INTS7: variants seen among roughly 807,000 people sequenced by gnomAD.
INTS7 encodes chromosome 1 open reading frame 73.
INTS7 carries 46 observed loss-of-function variants against 109.2 expected under a neutral mutation model. The ratio of observed to expected loss-of-function variants is 0.42; its 90% confidence interval spans 0.33 to 0.54. The LOEUF (loss-of-function observed/expected upper bound fraction) is 0.54, where lower values mean the gene tolerates loss of function less well. INTS7 is among the 20% of genes least tolerant of loss of function. The pLI is 0.07. For missense variants in INTS7, 929 were observed against 1,132.4 expected (o/e 0.82, Z 2.58); for synonymous variants, 412 against 402.9 (o/e 1.02, Z -0.27).
chr1:211,975,514 C>T (rs1168434698), intron 12 of INTS7, 142 bp from the exon 13 acceptor site: 16 of 626,222 alleles, frequency 2.6e-5, no homozygotes, highest in African/African-American at 2.2e-4. Context: ...TTATGTAATT[C>T]GCTGAGACTC....
chr1:211,988,421 CAA>C (rs538221379), intron 7 of INTS7, among the ~76,000 whole-genome samples: 4 of 113,192 alleles, frequency 3.5e-5, no homozygotes, highest in African/African-American at 3.1e-5. Flanking sequence ...GACCCTGTCT[CAA>C]AAAAAAAAAA....
intron 16 of INTS7, among the ~76,000 whole-genome samples, chr1:211,954,338 C>G (rs1011976229): frequency 1.3e-5 from 2 of 152,104 alleles, no homozygotes; most frequent in African/African-American, 4.8e-5. Flanking sequence ...TTCTCCCATT[C>G]TGTAGGTTGC....
chr1:211,977,642 C>T lies in INTS7; in HGVS notation c.1470+630G>A, dbSNP rs112614257. 1.1e-4 allele frequency among the ~76,000 whole-genome samples: 16 copies of T among 152,284 alleles called. 1 individual carries two copies. The highest frequency in any genetic ancestry group is 3.8e-4 in the African/African-American group (16 of 41,568). On this transcript the variant is annotated intron_variant, in intron 11 of 19. Transcript: ENST00000366994. ...TGAACAGAACAATATGGAATGGCAA[C>T]CTTACAACTTTCATTTAATTTACAA...
chr1:212,010,889 AG>A (rs950910394), intron 5 of INTS7, among the ~76,000 whole-genome samples: 1 of 152,170 alleles, frequency 6.6e-6, no homozygotes, highest in Non-Finnish European at 1.5e-5. Flanking sequence ...TTTCTCACAC[AG>A]GATCCCCATT....
At position 212,021,101 on chromosome 1, in the gene INTS7, G is replaced by C. The variant is rs758523583; in HGVS notation, c.206C>G (p.Ala69Gly). The change falls in exon 2 of 20, where the codon GCT becomes GGT. Residue 69 changes from alanine to glycine, a missense_variant. By Grantham distance (60) the Ala-to-Gly change is moderately conservative. This residue lies in a region of INTS7 where 142 missense variants were observed against 231.4 expected (regional missense o/e 0.61). Transcript: ENST00000366994. Reference sequence around the variant, plus strand: ...GACTTACCCAACTCTGAAAACATCAGCTAACTTTAGGAATGCAGAATTGAT... The same window carrying C: ...GACTTACCCAACTCTGAAAACATCACCTAACTTTAGGAATGCAGAATTGAT... ...ILINSAFLKLADVFRVGNNFL... is the reference protein window; with the variant it reads ...ILINSAFLKLGDVFRVGNNFL... 3 of 1,604,900 alleles carry C rather than the reference G, an allele frequency of 1.9e-6. No homozygotes were observed. Among genetic ancestry groups the C allele is most frequent in the African/African-American group, 2.7e-5 (2 of 74,420 alleles).
chr1:212,027,656 A>C (rs1314376036), intron 1 of INTS7, among the ~76,000 whole-genome samples: 1 of 152,224 alleles, frequency 6.6e-6, no homozygotes, highest in Non-Finnish European at 1.5e-5. Flanking sequence ...TTTCGCACTT[A>C]AAGTGTGCAG....
intron 4 of INTS7, among the ~76,000 whole-genome samples, chr1:212,015,195 C>T (rs554742273): frequency 6.6e-6 from 1 of 152,140 alleles, no homozygotes; most frequent in Non-Finnish European, 1.5e-5. Flanking sequence ...GCCGCCACCC[C>T]GTCTGGGAGG....
chr1:212,032,754 C>G (rs1425784611), intron 1 of INTS7, among the ~76,000 whole-genome samples: 2 of 152,210 alleles, frequency 1.3e-5, no homozygotes, highest in African/African-American at 4.8e-5. Flanking sequence ...GCGGGGATTA[C>G]AGGCGTGAAC....
chr1:211,960,971 C>T (rs1442041414), intron 16 of INTS7, among the ~76,000 whole-genome samples: 1 of 151,326 alleles, frequency 6.6e-6, no homozygotes, highest in Non-Finnish European at 1.5e-5. Context: ...ACTGAGATCG[C>T]GCCACTGCAC....
intron 3 of INTS7, among the ~76,000 whole-genome samples, chr1:212,019,018 A>C (rs1165361846): frequency 2.0e-5 from 3 of 152,166 alleles, no homozygotes; most frequent in Non-Finnish European, 4.4e-5. Flanking sequence ...GGGAGGCCGA[A>C]GCGGGCAGAT....
At chr1:211,953,419 C>CT (rs1222557135) in intron 16 of INTS7, among the ~76,000 whole-genome samples, 1 of 151,076 alleles carries the variant, frequency 6.6e-6, no homozygotes, top group Non-Finnish European at 1.5e-5. Context: ...TATCATTATA[C>CT]TTTAAGTTTT....
intron 5 of INTS7, among the ~76,000 whole-genome samples, chr1:212,010,140 T>TA (rs1195346211): frequency 6.6e-6 from 1 of 152,198 alleles, no homozygotes; most frequent in Non-Finnish European, 1.5e-5. Flanking sequence ...TCCTTTCCTG[T>TA]AAAACGAACA....
At chr1:211,984,674 T>C (rs1312609161) in intron 8 of INTS7, among the ~76,000 whole-genome samples, 1 of 152,142 alleles carries the variant, frequency 6.6e-6, no homozygotes, top group Admixed American at 6.5e-5. Context: ...GAGTAGAAAA[T>C]GGTAAAAGGC....
rs756444254 is a variant in INTS7, at chr1:212,020,240, TA to T, written c.252del (p.Val86LeufsTer13). The T allele has an allele frequency of 6.3e-7, 1 of 1,599,524 alleles. No individual in the cohort carries two copies. The highest frequency in any genetic ancestry group is 8.6e-7 in the Non-Finnish European group (1 of 1,169,036). On this transcript the variant is annotated frameshift_variant, in exon 3 of 20. Coordinates refer to ENST00000366994, the MANE Select transcript of INTS7 (RefSeq NM_015434.4). LOFTEE classifies it high-confidence loss of function. ...VGNNFLRLCV[L>X]KVTQQSEKHL... The stretch of plus-strand genomic sequence containing the variant: ...TGTTTCTCACTTTGTTGGGTAACTT[TA>T]AGAACACATAGCCTCAGGAAATTAT...
At chr1:211,985,369 A>C (rs879405143) in intron 8 of INTS7, among the ~76,000 whole-genome samples, 1 of 152,208 alleles carries the variant, frequency 6.6e-6, no homozygotes, top group Admixed American at 6.5e-5. Context: ...GGCTACATTG[A>C]AAAAACATAA....
intron 1 of INTS7, among the ~76,000 whole-genome samples, chr1:212,022,558 G>C (rs1666754922): frequency 1.3e-5 from 2 of 152,144 alleles, no homozygotes; most frequent in South Asian, 4.1e-4. Flanking sequence ...AGTGTCATCA[G>C]GGAAATGACA....
chr1:211,951,901 T>G (rs1192639756), intron 17 of INTS7, among the ~76,000 whole-genome samples: 1 of 152,166 alleles, frequency 6.6e-6, no homozygotes, highest in Non-Finnish European at 1.5e-5. Flanking sequence ...TAGCCTGTCC[T>G]GTGACTGGGA....
At chr1:211,945,620 T>C (rs926623721) in intron 18 of INTS7, among the ~76,000 whole-genome samples, 3 of 152,238 alleles carry the variant, frequency 2.0e-5, no homozygotes, top group African/African-American at 7.2e-5. Flanking sequence ...GGACTTCTTA[T>C]CTAGATCGTC....
intron 13 of INTS7, among the ~76,000 whole-genome samples, chr1:211,969,956 G>T (rs1170753945): frequency 6.6e-6 from 1 of 152,002 alleles, no homozygotes; most frequent in African/African-American, 2.4e-5. Flanking sequence ...CTGACCTCAT[G>T]ATCGGCCTGC....
Sources: allele counts gnomAD v4.1 joint callset (sites outside exome capture counted in the v4.1 genomes callset), GRCh38; gene constraint gnomAD v4.1.1; regional missense constraint gnomAD v4.1.1; transcripts MANE v1.5; gene names NCBI Gene and HGNC (gene_info 2026-07-23, HGNC 2026-07-21).